The following MBTPS1 variants were observed in gnomAD, a reference collection of about 807,000 sequenced individuals.
The protein encoded by MBTPS1 is membrane-bound transcription factor site-1 protease.
MBTPS1 carries 94 observed loss-of-function variants against 127.8 expected under a neutral mutation model. The observed-to-expected ratio is 0.74, with a 90% CI of 0.62 to 0.87. The LOEUF (loss-of-function observed/expected upper bound fraction) is 0.87, where lower values mean the gene tolerates loss of function less well. MBTPS1 is among the 40% of genes least tolerant of loss of function. The pLI is 0.00. For missense variants in MBTPS1, 1,636 were observed against 1,353.2 expected (o/e 1.21, Z -3.28); for synonymous variants, 632 against 509.4 (o/e 1.24, Z -3.24).
At chr16:84,056,301 G>A in intron 21 of MBTPS1, 166 bp from the exon 22 acceptor site, 1 of 574,364 alleles carries the variant, frequency 1.7e-6, no homozygotes, top group Non-Finnish European at 3.1e-6. Flanking sequence ...AGCAACTATG[G>A]TGGCCGTTTC....
chr16:84,065,121 GT>G (rs35734457), intron 18 of MBTPS1, among the ~76,000 whole-genome samples: 76 of 140,006 alleles, frequency 5.4e-4, no homozygotes, highest in South Asian at 6.8e-4. Flanking sequence ...CTTGAAGGTA[GT>G]TTTTTTTTTT....
Position 84,091,922 on chromosome 16 carries a change from A to C in MBTPS1, c.847-74T>G, listed in dbSNP as rs1597338182. The C allele has an allele frequency of 1.2e-5, 10 of 864,242 alleles. 1 individual carries two copies. In the East Asian group the frequency reaches 2.0e-4, roughly 17 times the overall value. The allele number at this position is 864,242 out of a possible 1,614,324, so 53.5% of individuals were successfully genotyped here. On this transcript the variant is annotated intron_variant, in intron 6 of 22. Coordinates refer to ENST00000343411, the MANE Select transcript of MBTPS1 (RefSeq NM_003791.4). ...AGTGCTAGGACAGTTTTTATTTCTA[A>C]GGCTCTTTTAAAATTACAAGTAGTT...
chr16:84,085,327 G>A (rs1021868395), intron 9 of MBTPS1, among the ~76,000 whole-genome samples, 193 bp from the exon 10 acceptor site: 4 of 152,192 alleles, frequency 2.6e-5, no homozygotes, highest in African/African-American at 9.7e-5. Context: ...AACACTCTGG[G>A]AGGCCGAGGC....
chr16:84,092,797 G>T (rs1324404562), intron 6 of MBTPS1, among the ~76,000 whole-genome samples: 6 of 152,166 alleles, frequency 3.9e-5, no homozygotes, highest in African/African-American at 1.2e-4. Flanking sequence ...AAATAAAACA[G>T]CTCAAGGTGG....
intron 1 of MBTPS1, among the ~76,000 whole-genome samples, chr16:84,104,657 C>G (rs995490500): frequency 2.0e-5 from 3 of 152,150 alleles, no homozygotes; most frequent in African/African-American, 7.2e-5. Context: ...AAGGTAAAGA[C>G]TCTTAGGTAA....
In MBTPS1 at chr16:84,099,103, T is replaced by C. The variant is rs150655343; in HGVS notation, c.371A>G (p.Lys124Arg). ...LLTLEDHPNI[K>R]RVTPQRKVFR... ...GACTTTTCGTTGGGGCGTGACCCGT[T>C]TGATGTTTGGATGATCTTCAAGTGT... is the stretch of plus-strand genomic sequence containing the variant. The change falls in exon 3 of 23, where the codon AAA becomes AGA. Residue 124 changes from lysine to arginine, a missense_variant. Coordinates refer to ENST00000343411, the MANE Select transcript of MBTPS1 (RefSeq NM_003791.4). 2.4e-4 allele frequency: 388 copies of C among 1,614,104 alleles called. 1 individual carries two copies. Among genetic ancestry groups the C allele is most frequent in the Non-Finnish European group, 3.2e-4 (372 of 1,180,054 alleles).
chr16:84,069,311 G>A lies in MBTPS1; in HGVS notation c.1955+555C>T, dbSNP rs139153956. Among the ~76,000 whole-genome samples, 6 of 152,352 alleles carry A rather than the reference G, an allele frequency of 3.9e-5. No individual in the cohort carries two copies. The East Asian group carries it at 1.2e-3, about 29-fold the overall frequency. ...GAGAGCGGCTATGGGGACTGCGGGG[G>A]AAGCAGTGCCAGCTTCTGAAGGGCT... is the stretch of plus-strand genomic sequence containing the variant. On this transcript the variant is annotated intron_variant, in intron 14 of 22. Transcript: ENST00000343411.
chr16:84,103,355 C>T (rs2086283438), intron 1 of MBTPS1, among the ~76,000 whole-genome samples: 1 of 151,292 alleles, frequency 6.6e-6, no homozygotes, highest in Admixed American at 6.6e-5. Flanking sequence ...ACTTCCTGGG[C>T]TCAAGCAATC....
intron 21 of MBTPS1, chr16:84,056,930 A>G (rs1288533414): frequency 1.3e-5 from 2 of 152,252 alleles, no homozygotes; most frequent in Non-Finnish European, 2.9e-5. Flanking sequence ...TGGGAAAAAC[A>G]CTACTCTGGC....
At chr16:84,059,654 G>A (rs962074845) in intron 20 of MBTPS1, 4 of 419,344 alleles carry the variant, frequency 9.5e-6, no homozygotes, top group Non-Finnish European at 1.8e-5. Flanking sequence ...AATCAGAACC[G>A]TTCCCTTGAA....
intron 1 of MBTPS1, among the ~76,000 whole-genome samples, chr16:84,115,630 G>A (rs1372044520): frequency 6.6e-6 from 1 of 152,180 alleles, no homozygotes; most frequent in African/African-American, 2.4e-5. Flanking sequence ...TGACACAAAA[G>A]GCCGCATATC....
intron 6 of MBTPS1, among the ~76,000 whole-genome samples, chr16:84,092,928 G>T (rs946409962): frequency 2.0e-5 from 3 of 152,212 alleles, no homozygotes; most frequent in African/African-American, 7.2e-5. Context: ...GAAGAAACAA[G>T]GGAAATCAAA....
chr16:84,062,507 C>G (rs1567472886), intron 19 of MBTPS1, among the ~76,000 whole-genome samples: 1 of 152,156 alleles, frequency 6.6e-6, no homozygotes. Context: ...AACGGAGGGG[C>G]ACACACACAC....
At chr16:84,087,333 A>G in intron 9 of MBTPS1, 25 bp downstream of exon 9, 1 of 1,555,444 alleles carries the variant, frequency 6.4e-7, no homozygotes, top group Non-Finnish European at 8.9e-7. Context: ...AGCTAAATAC[A>G]ATTATTTAGC....
Position 84,066,681 on chromosome 16 carries a change from T to G in MBTPS1, c.2229-68A>C, listed in dbSNP as rs1020608520. 7 of 1,466,180 alleles carry G rather than the reference T, an allele frequency of 4.8e-6. No homozygotes were observed. The African/African-American group carries it at 7.0e-5, about 15-fold the overall frequency. The allele number at this position is 1,466,180 out of a possible 1,614,324, so 90.8% of individuals were successfully genotyped here. A position where few individuals can be genotyped will look rare whatever the true frequency, so the allele number is the denominator to read the frequency against. ...ACACTCCATACACAGTTATTTAGTC[T>G]CTGTGACAAAACTCAATTTCTCCTG... is the stretch of plus-strand genomic sequence containing the variant. On this transcript the variant is annotated intron_variant, in intron 16 of 22. Transcript: ENST00000343411.
Position 84,060,526 on chromosome 16 carries a change from C to G in MBTPS1, c.2704+156G>C, listed in dbSNP as rs112746367. The G allele has an allele frequency of 2.8e-4, 213 of 771,042 alleles. 2 individuals are homozygous for G. In the African/African-American group the frequency reaches 3.1e-3, roughly 11 times the overall value. The allele number at this position is 771,042 out of a possible 1,614,324, so 47.8% of individuals were successfully genotyped here. A position where few individuals can be genotyped will look rare whatever the true frequency, so the allele number is the denominator to read the frequency against. On this transcript the variant is annotated intron_variant, in intron 20 of 22. Transcript: ENST00000343411. ...AGGATGGCCTCTCGGCAGGTTAGAG[C>G]CGCTGAGTGCTGCTCTACCCGCAGC... is the stretch of plus-strand genomic sequence containing the variant.
In MBTPS1 at chr16:84,085,109, A is replaced by T; in HGVS notation, c.1160T>A (p.Met387Lys). 3 of 1,614,242 alleles carry T rather than the reference A, an allele frequency of 1.9e-6. No homozygotes were observed. Among genetic ancestry groups the T allele is most frequent in the Non-Finnish European group, 1.7e-6 (2 of 1,180,046 alleles). Residue 387 changes from methionine (M) to lysine (K), a missense_variant, in exon 10 of 23, where the codon ATG becomes AAG. Met to Lys is a moderately conservative substitution (Grantham distance 95). Coordinates refer to ENST00000343411, the MANE Select transcript of MBTPS1 (RefSeq NM_003791.4). ...TWELPGGYGRMKPDIVTYGAG... is the reference protein window; with the variant it reads ...TWELPGGYGRKKPDIVTYGAG... ...ACCATAGGTGACAATGTCAGGTTTC[A>T]TGCGACCGTAGCCTCCTGGTAGCTC...
intron 22 of MBTPS1, among the ~76,000 whole-genome samples, chr16:84,055,070 G>A (rs927239930): frequency 1.2e-4 from 18 of 152,224 alleles, no homozygotes; most frequent in African/African-American, 4.3e-4. Context: ...AAGGGGGCGT[G>A]GCGGAAGAAG....
intron 1 of MBTPS1, among the ~76,000 whole-genome samples, chr16:84,116,229 T>C (rs2086475145): frequency 6.6e-6 from 1 of 152,218 alleles, no homozygotes; most frequent in Non-Finnish European, 1.5e-5. Flanking sequence ...ACAACGGTCT[T>C]AGGTAGCGCA....
Sources: gnomAD v4.1 joint callset for allele counts (sites outside exome capture counted in the v4.1 genomes callset) on GRCh38, gnomAD v4.1.1 for gene constraint, MANE v1.5 for transcripts, NCBI Gene and HGNC (gene_info 2026-07-23, HGNC 2026-07-21) for gene names.